Variants in NPDC1 observed in about 807,000 individuals in gnomAD.
NPDC1 encodes the protein neural proliferation, differentiation and control 1, also known as neural proliferation differentiation and control protein 1.
Under a neutral mutation model 32.5 loss-of-function variants are expected in NPDC1, and 18 were observed. The observed-to-expected ratio is 0.55, with a 90% CI of 0.38 to 0.82. NPDC1 has a LOEUF of 0.82. Ranked by LOEUF, NPDC1 falls within the 40% of genes least tolerant of loss-of-function variation. The pLI, the probability that NPDC1 is intolerant of heterozygous loss-of-function variation, is 0.00. For synonymous variants in NPDC1, 210 were observed against 184.7 expected, an observed-to-expected ratio of 1.14 and a Z score of -1.11; for missense variants, 468 against 406.6, an observed-to-expected ratio of 1.15 and a Z score of -1.30.
At chr9:137,045,768 G>T in intron 1 of NPDC1, 110 bp downstream of exon 1, 1 of 652,274 alleles carries the variant, frequency 1.5e-6, no homozygotes, top group Non-Finnish European at 1.9e-6. Flanking sequence ...AGGCCTGCAG[G>T]GCCTGCGGGC....
chr9:137,040,311 T>C, intron 7 of NPDC1, 46 bp downstream of exon 7: 2 of 867,304 alleles, frequency 2.3e-6, no homozygotes, highest in Non-Finnish European at 2.7e-6. Flanking sequence ...GAGGTGGGGA[T>C]GGGGGGTGGG....
chr9:137,044,652 G>A (rs1174468693), intron 1 of NPDC1, among the ~76,000 whole-genome samples: 1 of 152,206 alleles, frequency 6.6e-6, no homozygotes, highest in Non-Finnish European at 1.5e-5. Context: ...CTGGGCACTG[G>A]GAATGGGAGG....
chr9:137,043,156 C>A (rs776856286), intron 1 of NPDC1, 83 bp from the exon 2 acceptor site: 2 of 1,479,024 alleles, frequency 1.4e-6, no homozygotes, highest in Non-Finnish European at 1.8e-6. Flanking sequence ...CCCAGCCACC[C>A]GCCCCCGTCA....
chr9:137,040,968 C>T lies in NPDC1; in HGVS notation c.402G>A (p.Ser134=), dbSNP rs375208915. The change falls in exon 4 of 9, where the codon TCG becomes TCA. Residue 134 remains serine (S), a synonymous_variant. Transcript: ENST00000371601. Reference sequence around the variant, plus strand: ...CCAGCTCCAGCCCCTGCCCCCGTGCCGAGAAGCCCAGGGTGGCTGCGAGAG... The same window carrying T: ...CCAGCTCCAGCCCCTGCCCCCGTGCTGAGAAGCCCAGGGTGGCTGCGAGAG... ...RLPEPATLGF[S]ARGQGLELGL... 65 of 1,543,146 alleles carry T rather than the reference C, an allele frequency of 4.2e-5. No individual in the cohort carries two copies. The highest frequency in any genetic ancestry group is 1.4e-4 in the South Asian group (11 of 79,998).
chr9:137,041,996 T>C (rs369331077), intron 2 of NPDC1, among the ~76,000 whole-genome samples: 3 of 152,336 alleles, frequency 2.0e-5, no homozygotes, highest in East Asian at 3.9e-4. Flanking sequence ...CCTGGAGGGC[T>C]TCTGGGCAGA....
rs1248561290 is a variant in NPDC1 at position 137,039,465 on chromosome 9, G to A, written c.*307C>T. Reference sequence around the variant, plus strand: ...CAAGCTGGCAACACAGGCAGAAGCCGCAGGTCTGAAATGGACTTTAATTGG... The same window carrying A: ...CAAGCTGGCAACACAGGCAGAAGCCACAGGTCTGAAATGGACTTTAATTGG... On this transcript the variant is annotated 3_prime_UTR_variant, in exon 9 of 9. Coordinates refer to ENST00000371601, the MANE Select transcript of NPDC1 (RefSeq NM_015392.4). 1.4e-5 allele frequency: 4 copies of A among 291,928 alleles called. No homozygotes were observed. The highest frequency in any genetic ancestry group is 2.2e-5 in the African/African-American group (1 of 45,574). 18.1% of individuals were successfully genotyped at this position (291,928 alleles called of 1,614,324 possible). A position where few individuals can be genotyped will look rare whatever the true frequency, so the allele number is the denominator to read the frequency against.
chr9:137,043,176 C>T (rs1226899285), intron 1 of NPDC1, 103 bp from the exon 2 acceptor site: 2 of 1,312,066 alleles, frequency 1.5e-6, no homozygotes, highest in Non-Finnish European at 1.1e-6. Context: ...ACCCCCCGAG[C>T]TGGCCGGGCC....
rs1327867710 is a variant in NPDC1, at chr9:137,043,277, A to C, written c.113-204T>G. 2.6e-5 allele frequency: 19 copies of C among 724,190 alleles called. No homozygotes were observed. The African/African-American group carries it at 2.6e-4, about 10-fold the overall frequency. 44.9% of individuals were successfully genotyped at this position (724,190 alleles called of 1,614,324 possible). A position where few individuals can be genotyped will look rare whatever the true frequency, so the allele number is the denominator to read the frequency against. On this transcript the variant is annotated intron_variant, in intron 1 of 8. Transcript: ENST00000371601. Reference sequence around the variant, plus strand: ...AACAGTCCTAGGACTTATCAGAACTACCCTGCCCCACCCCTCCCCAGGGTC... The same window carrying C: ...AACAGTCCTAGGACTTATCAGAACTCCCCTGCCCCACCCCTCCCCAGGGTC...
At chr9:137,043,747 G>A (rs568128288) in intron 1 of NPDC1, 5 of 263,886 alleles carry the variant, frequency 1.9e-5, no homozygotes, top group South Asian at 8.8e-5. Context: ...TCAGGAGGCC[G>A]AGGTTGGCAG....
At chr9:137,042,833 C>T in intron 2 of NPDC1, 94 bp downstream of exon 2, 4 of 1,459,538 alleles carry the variant, frequency 2.7e-6, no homozygotes, top group Non-Finnish European at 3.7e-6. Context: ...GCTGGGATTA[C>T]AGGCATGAGC....
At position 137,039,654 on chromosome 9, in the gene NPDC1, CG is replaced by C; in HGVS notation, c.*117del. On this transcript the variant is annotated 3_prime_UTR_variant, in exon 9 of 9. Transcript: ENST00000371601. Reference sequence around the variant, plus strand: ...GCAAGGGGTCCCAGGGCCTGGAGCCCGAGGCCCAGCCAAAAGCACACAGCAT... The same window carrying C: ...GCAAGGGGTCCCAGGGCCTGGAGCCCAGGCCCAGCCAAAAGCACACAGCAT... 1.7e-6 allele frequency: 1 copy of C among 599,216 alleles called. No homozygotes were observed. Among genetic ancestry groups the C allele is most frequent in the Non-Finnish European group, 3.0e-6 (1 of 335,192 alleles). 37.1% of individuals were successfully genotyped at this position (599,216 alleles called of 1,614,324 possible).
Position 137,040,932 on chromosome 9 carries a change from G to T in NPDC1, c.438C>A (p.Ser146=). 1 of 1,561,574 alleles carries T rather than the reference G, an allele frequency of 6.4e-7. No individual in the cohort carries two copies. Residue 146 remains serine (S), a synonymous_variant, in exon 4 of 9, where the codon TCC becomes TCA. Transcript: ENST00000371601. The part of the protein sequence containing the change: ...RGQGLELGLP[S]TPGTPTPTPH... ...GCGTGGGCGTGGGGGTTCCTGGAGTGGAGGGGAGGCCCAGCTCCAGCCCCT... is the reference window on the plus strand; with the variant it reads ...GCGTGGGCGTGGGGGTTCCTGGAGTTGAGGGGAGGCCCAGCTCCAGCCCCT...
At chr9:137,042,476 C>G (rs1832071832) in intron 2 of NPDC1, among the ~76,000 whole-genome samples, 1 of 151,588 alleles carries the variant, frequency 6.6e-6, no homozygotes. Context: ...CCAGGATGGT[C>G]TCGATCTCCT....
At chr9:137,040,088 G>A in intron 7 of NPDC1, 21 bp from the exon 8 acceptor site, 1 of 774,222 alleles carries the variant, frequency 1.3e-6, no homozygotes, top group East Asian at 2.4e-5. Context: ...GGGGATCGCT[G>A]GGTCCTCCCC....
At position 137,040,395 on chromosome 9, in the gene NPDC1, G is replaced by A. The variant is rs1174982521; in HGVS notation, c.750C>T (p.His250=). ...QRLAQSAEMY[H]YQHQRQQMLC... is the part of the protein sequence containing the mutation. ...GCATCTGTTGCCGTTGGTGCTGGTA[G>A]TGGTACATCTCCGCGCTCTGTGCCA... The change falls in exon 7 of 9, where the codon CAC becomes CAT. Residue 250 remains histidine, a synonymous_variant. Transcript: ENST00000371601. 9.0e-6 allele frequency: 14 copies of A among 1,548,062 alleles called. No homozygotes were observed. Among genetic ancestry groups the A allele is most frequent in the Non-Finnish European group, 1.2e-5 (14 of 1,147,028 alleles).
intron 1 of NPDC1, among the ~76,000 whole-genome samples, chr9:137,045,022 G>A (rs549626614): frequency 6.6e-6 from 1 of 152,364 alleles, no homozygotes; most frequent in Admixed American, 6.5e-5. Context: ...CGGGCTCACA[G>A]CACCTCTTCT....
chr9:137,042,913 C>T lies in NPDC1; in HGVS notation c.259+14G>A. ...GGGACATCCCCCCATCGACTTCCCC[C>T]TTTGCTCTCGTACCTGGAGGCCGGC... On this transcript the variant is annotated intron_variant, in intron 2 of 8. Coordinates refer to ENST00000371601, the MANE Select transcript of NPDC1 (RefSeq NM_015392.4). 1 of 1,584,848 alleles carries T rather than the reference C, an allele frequency of 6.3e-7. No individual in the cohort carries two copies. Among genetic ancestry groups the T allele is most frequent in the East Asian group, 2.3e-5 (1 of 44,444 alleles).
intron 2 of NPDC1, among the ~76,000 whole-genome samples, chr9:137,041,767 G>A (rs1490694855): frequency 1.3e-5 from 2 of 152,146 alleles, no homozygotes; most frequent in African/African-American, 4.8e-5. Flanking sequence ...CCTCCTCCAG[G>A]AAGCCGCTGC....
chr9:137,042,811 G>A (rs1226347699), intron 2 of NPDC1, 116 bp downstream of exon 2: 6 of 1,273,696 alleles, frequency 4.7e-6, no homozygotes, highest in African/African-American at 1.5e-5. Flanking sequence ...AACAGCCTGG[G>A]CCTCCCACAG....
Sources: gnomAD v4.1 joint callset for allele counts (sites outside exome capture counted in the v4.1 genomes callset) on GRCh38, gnomAD v4.1.1 for gene constraint, MANE v1.5 for transcripts, NCBI Gene and HGNC (gene_info 2026-07-23, HGNC 2026-07-21) for gene names.